The following IFT56 variants were observed in gnomAD, a reference collection of about 807,000 sequenced individuals.
The protein encoded by IFT56 is intraflagellar transport protein 56.
chr7:139,151,780 G>C, the IFT56 span, among the ~76,000 whole-genome samples: 1 of 152,016 alleles, frequency 6.6e-6, no homozygotes, highest in Non-Finnish European at 1.5e-5. Flanking sequence ...AACCATTTCC[G>C]GCTAGGCACA....
the IFT56 span, among the ~76,000 whole-genome samples, chr7:139,137,036 G>A: frequency 6.6e-6 from 1 of 152,066 alleles, no homozygotes; most frequent in Non-Finnish European, 1.5e-5. Flanking sequence ...ATATCAAAGG[G>A]ATGTCTTCAT....
At chr7:139,168,263 T>G in the IFT56 span, 2 of 848,568 alleles carry the variant, frequency 2.4e-6, no homozygotes, top group Non-Finnish European at 3.6e-6. Context: ...ATATAAAGTA[T>G]TGAGTTAATG....
At chr7:139,190,412 A>C in the IFT56 span, 14 of 152,056 alleles carry the variant, frequency 9.2e-5, no homozygotes, top group Non-Finnish European at 1.8e-4. Flanking sequence ...CGCCCGGCTA[A>C]TTTTTTGTAT....
the IFT56 span, among the ~76,000 whole-genome samples, chr7:139,143,173 A>G: frequency 2.6e-5 from 4 of 152,162 alleles, no homozygotes; most frequent in East Asian, 3.9e-4. Context: ...GGACATACCT[A>G]CTGGGTATGA....
At chr7:139,185,382 G>C in the IFT56 span, among the ~76,000 whole-genome samples, 1 of 151,990 alleles carries the variant, frequency 6.6e-6, no homozygotes, top group Non-Finnish European at 1.5e-5. Context: ...GAAACTAGGT[G>C]AAAGGTACAC....
At chr7:139,137,260 T>C in the IFT56 span, among the ~76,000 whole-genome samples, 2 of 152,222 alleles carry the variant, frequency 1.3e-5, no homozygotes, top group Non-Finnish European at 2.9e-5. Context: ...ACAATGGACA[T>C]AAGTGAGGCC....
the IFT56 span, among the ~76,000 whole-genome samples, chr7:139,141,814 C>T: frequency 1.3e-5 from 2 of 152,084 alleles, no homozygotes; most frequent in Non-Finnish European, 2.9e-5. Context: ...GAAAATATGG[C>T]AGTATAATTG....
At chr7:139,181,153 C>T in the IFT56 span, 6 of 1,613,062 alleles carry the variant, frequency 3.7e-6, no homozygotes, top group East Asian at 4.5e-5. Context: ...AAACCTCCGG[C>T]GAGTCCTTCA....
the IFT56 span, chr7:139,169,291 G>A: frequency 6.2e-7 from 1 of 1,613,766 alleles, no homozygotes; most frequent in Non-Finnish European, 8.5e-7. Context: ...TTTTTCAGAG[G>A]GATCATATGA....
At chr7:139,173,352 C>T in the IFT56 span, 6 of 475,434 alleles carry the variant, frequency 1.3e-5, no homozygotes, top group African/African-American at 4.0e-5. Context: ...CTCAGCCTCC[C>T]GAGTAGCTGG....
the IFT56 span, among the ~76,000 whole-genome samples, chr7:139,182,413 T>C: frequency 3.3e-5 from 5 of 152,260 alleles, no homozygotes; most frequent in South Asian, 1.0e-3. Flanking sequence ...GCAATGCTCT[T>C]AAATAAGTTA....
At chr7:139,136,046 C>A in the IFT56 span, among the ~76,000 whole-genome samples, 1 of 152,090 alleles carries the variant, frequency 6.6e-6, no homozygotes, top group Non-Finnish European at 1.5e-5. Context: ...GCCTCAGCCT[C>A]CTGAGTAGCT....
chr7:139,173,742 G>C, the IFT56 span: 1 of 766,920 alleles, frequency 1.3e-6, no homozygotes, highest in Non-Finnish European at 2.4e-6. Flanking sequence ...AGAGCAAAAT[G>C]CTTCCAAAAT....
the IFT56 span, chr7:139,133,966 G>A: frequency 1.6e-5 from 22 of 1,377,110 alleles, no homozygotes; most frequent in Non-Finnish European, 2.3e-5. Flanking sequence ...TCCGCAGAGA[G>A]TAATCCCCAG....
At chr7:139,183,506 G>A in the IFT56 span, among the ~76,000 whole-genome samples, 7 of 151,912 alleles carry the variant, frequency 4.6e-5, no homozygotes, top group Admixed American at 1.3e-4. Context: ...GAATAAGGGG[G>A]GAAATGGCAG....
chr7:139,189,075 G>T, the IFT56 span, among the ~76,000 whole-genome samples: 12 of 152,152 alleles, frequency 7.9e-5, no homozygotes, highest in African/African-American at 2.9e-4. Flanking sequence ...ATGTATATAG[G>T]TAGTATGGAT....
chr7:139,178,086 A>C, the IFT56 span: 8,324 of 688,402 alleles, frequency 0.012, 78 homozygotes, highest in Middle Eastern at 0.022. Context: ...GAAAATGTAT[A>C]ATGTCAGAAT....
the IFT56 span, among the ~76,000 whole-genome samples, chr7:139,183,330 C>T: frequency 9.9e-5 from 15 of 152,256 alleles, no homozygotes; most frequent in East Asian, 2.9e-3. Flanking sequence ...TAAAGTTATA[C>T]TCATGGCTAA....
the IFT56 span, chr7:139,179,647 A>G: frequency 6.2e-7 from 1 of 1,608,348 alleles, no homozygotes; most frequent in Non-Finnish European, 8.5e-7. Flanking sequence ...CGGTGCTGTG[A>G]GTCTTCTTTT....
Sources: allele counts gnomAD v4.1 joint callset (sites outside exome capture counted in the v4.1 genomes callset), GRCh38; gene constraint gnomAD v4.1.1; transcripts MANE v1.5; gene names NCBI Gene and HGNC (gene_info 2026-07-23, HGNC 2026-07-21).